AP2B1: variants seen among roughly 807,000 people sequenced by gnomAD.
AP2B1 encodes the protein AP-2 complex subunit beta.
In AP2B1, 23 loss-of-function variants were observed where a neutral mutation model predicts 102.0. The ratio of observed to expected loss-of-function variants is 0.23; its 90% confidence interval spans 0.16 to 0.32. The LOEUF (loss-of-function observed/expected upper bound fraction) is 0.32. Among genes scored for constraint, AP2B1 ranks in the 10% least tolerant of loss-of-function variants. AP2B1 has a pLI of 1.00. For missense variants in AP2B1, 541 were observed against 1,157.4 expected (o/e 0.47, Z 7.73); for synonymous variants, 381 against 421.2 (o/e 0.90, Z 1.17).
At chr17:35,617,368 T>C (rs1413935184) in intron 5 of AP2B1, among the ~76,000 whole-genome samples, 1 of 152,208 alleles carries the variant, frequency 6.6e-6, no homozygotes, top group Non-Finnish European at 1.5e-5. Context: ...CAGAAACATA[T>C]ATTCTATATT....
At chr17:35,684,836 A>C (rs767260191) in intron 18 of AP2B1, among the ~76,000 whole-genome samples, 1 of 152,204 alleles carries the variant, frequency 6.6e-6, no homozygotes, top group Non-Finnish European at 1.5e-5. Flanking sequence ...CATAAGTAGG[A>C]AAGAGAATTT....
At chr17:35,597,049 C>T (rs1567769713) in intron 2 of AP2B1, 3 of 580,884 alleles carry the variant, frequency 5.2e-6, no homozygotes, top group Non-Finnish European at 9.5e-6. Flanking sequence ...GTTGTGGGGG[C>T]CGTGGCCGGG....
In AP2B1 at chr17:35,637,248, G is replaced by A. The variant is rs182198060; in HGVS notation, c.1271+792G>A. Among the ~76,000 whole-genome samples the A allele has an allele frequency of 1.3e-3, 199 of 152,220 alleles. 2 individuals are homozygous for A. The highest frequency in any genetic ancestry group is 4.6e-4 in the Non-Finnish European group (31 of 68,018). ...GTTGCCCAGGTGAGTGCAGTGGTGC[G>A]ATCGCAGCTCACTGCAACCTCCGCC... is the stretch of plus-strand genomic sequence containing the variant. On this transcript the variant is annotated intron_variant, in intron 10 of 21. Coordinates refer to ENST00000610402, the MANE Select transcript of AP2B1 (RefSeq NM_001030006.2).
At chr17:35,662,134 A>G (rs1332508628) in intron 14 of AP2B1, among the ~76,000 whole-genome samples, 2 of 152,224 alleles carry the variant, frequency 1.3e-5, no homozygotes, top group Non-Finnish European at 2.9e-5. Flanking sequence ...GAAAGTAAAC[A>G]TACTGTAGCT....
intron 19 of AP2B1, 78 bp downstream of exon 19, chr17:35,709,386 GT>G (rs2076404315): frequency 7.9e-7 from 1 of 1,262,846 alleles, no homozygotes; most frequent in African/African-American, 1.5e-5. Flanking sequence ...AGCCCCAGAA[GT>G]TTTGAGTTAT....
chr17:35,630,430 A>G (rs189536056), intron 9 of AP2B1, among the ~76,000 whole-genome samples: 12 of 152,336 alleles, frequency 7.9e-5, no homozygotes, highest in African/African-American at 2.9e-4. Flanking sequence ...CTAGCCGTCT[A>G]CTTAGTATTA....
intron 20 of AP2B1, among the ~76,000 whole-genome samples, chr17:35,713,998 C>T (rs913395167): frequency 6.6e-6 from 1 of 152,176 alleles, no homozygotes; most frequent in Admixed American, 6.5e-5. Context: ...GTCTTAAGTG[C>T]ACAAGAAGTA....
chr17:35,658,160 T>C (rs1475956922), intron 14 of AP2B1, among the ~76,000 whole-genome samples: 1 of 152,184 alleles, frequency 6.6e-6, no homozygotes, highest in Non-Finnish European at 1.5e-5. Flanking sequence ...TGAACGGCAT[T>C]AAAGTGACCT....
At chr17:35,680,789 C>T (rs1269190513) in intron 17 of AP2B1, among the ~76,000 whole-genome samples, 2 of 151,436 alleles carry the variant, frequency 1.3e-5, no homozygotes, top group Non-Finnish European at 2.9e-5. Flanking sequence ...TTCCGCCTCC[C>T]GGGTTCAAAC....
In AP2B1 at chr17:35,726,112, C is replaced by T. The variant is rs2085512422; in HGVS notation, c.*2413C>T. On this transcript the variant is annotated 3_prime_UTR_variant, in exon 22 of 22. Coordinates refer to ENST00000610402, the MANE Select transcript of AP2B1 (RefSeq NM_001030006.2). The stretch of plus-strand genomic sequence containing the variant: ...TGGAGGTTGCCCTGCATCCCCCCTC[C>T]TCTGCCTGAGTGTGTCTTTGTAATG... 1 of 152,224 alleles carries T rather than the reference C, an allele frequency of 6.6e-6. No homozygotes were observed. The allele number at this position is 152,224 out of a possible 1,614,324, so 9.4% of individuals were successfully genotyped here.
At chr17:35,697,239 G>A (rs1401419127) in intron 18 of AP2B1, among the ~76,000 whole-genome samples, 2 of 152,196 alleles carry the variant, frequency 1.3e-5, no homozygotes, top group Non-Finnish European at 2.9e-5. Context: ...TTGCTTCCTT[G>A]ATATTAGGAA....
intron 14 of AP2B1, among the ~76,000 whole-genome samples, chr17:35,667,890 AT>A (rs2075501658): frequency 6.7e-6 from 1 of 148,792 alleles, no homozygotes; most frequent in Non-Finnish European, 1.5e-5. Context: ...CAAATGAAAC[AT>A]TTTTCGTAGG....
intron 17 of AP2B1, among the ~76,000 whole-genome samples, chr17:35,675,990 A>C (rs1567962372): frequency 6.6e-6 from 1 of 152,114 alleles, no homozygotes; most frequent in Non-Finnish European, 1.5e-5. Flanking sequence ...GTCCCTTTAA[A>C]TCTATAGGTT....
At chr17:35,661,008 A>T (rs2075347184) in intron 14 of AP2B1, among the ~76,000 whole-genome samples, 1 of 152,198 alleles carries the variant, frequency 6.6e-6, no homozygotes. Flanking sequence ...AGCAGCGTTT[A>T]GGTTAGCTCA....
At chr17:35,680,226 A>G (rs1234371503) in intron 17 of AP2B1, among the ~76,000 whole-genome samples, 1 of 152,130 alleles carries the variant, frequency 6.6e-6, no homozygotes, top group Non-Finnish European at 1.5e-5. Flanking sequence ...TCTTTAGTTA[A>G]TTTTATAAAC....
intron 11 of AP2B1, among the ~76,000 whole-genome samples, chr17:35,640,153 G>T (rs928553032): frequency 1.3e-5 from 2 of 151,966 alleles, no homozygotes; most frequent in African/African-American, 4.8e-5. Flanking sequence ...CTGAACTTAG[G>T]TGATCCACCC....
rs2075851370 is a variant in AP2B1, at chr17:35,682,756, A to G, written c.2386A>G (p.Ile796Val). 6.2e-7 allele frequency: 1 copy of G among 1,613,074 alleles called. No individual in the cohort carries two copies. The highest frequency in any genetic ancestry group is 8.5e-7 in the Non-Finnish European group (1 of 1,179,348). The change falls in exon 18 of 22, where the codon ATT becomes GTT. Residue 796 changes from isoleucine to valine, a missense_variant. By Grantham distance (29) the Ile-to-Val change is conservative (BLOSUM62 3). Transcript: ENST00000610402. ...TACACCACTGATGCCAAACCAGAGC[A>G]TTGATGTCTCCCTGCCTCTCAATAC... ...IHTPLMPNQS[I>V]DVSLPLNTLG...
intron 2 of AP2B1, among the ~76,000 whole-genome samples, chr17:35,597,305 C>T (rs1167332190): frequency 2.0e-5 from 3 of 151,994 alleles, no homozygotes; most frequent in African/African-American, 7.2e-5. Flanking sequence ...TGTTTTTTTT[C>T]CGTTTCTTTT....
intron 20 of AP2B1, among the ~76,000 whole-genome samples, chr17:35,716,914 T>G (rs1157735625): frequency 6.6e-6 from 1 of 152,246 alleles, no homozygotes; most frequent in East Asian, 1.9e-4. Context: ...TGCCAGCTCC[T>G]TAGGCCCACC....
Sources: allele counts gnomAD v4.1 joint callset (sites outside exome capture counted in the v4.1 genomes callset), GRCh38; gene constraint gnomAD v4.1.1; transcripts MANE v1.5; gene names NCBI Gene and HGNC (gene_info 2026-07-23, HGNC 2026-07-21).